SCAF4: variants seen among roughly 807,000 people sequenced by gnomAD.
SCAF4 encodes the protein SR-related and CTD-associated factor 4.
Under a neutral mutation model 129.8 loss-of-function variants are expected in SCAF4, and 25 were observed. The ratio of observed to expected loss-of-function variants is 0.19; its 90% CI spans 0.14 to 0.27. The LOEUF is 0.27. Among genes scored for constraint, SCAF4 ranks in the 10% least tolerant of loss-of-function variants. The pLI, the probability that SCAF4 is intolerant of heterozygous loss-of-function variation, is 1.00. For synonymous variants in SCAF4, 551 were observed against 497.7 expected, an observed-to-expected ratio of 1.11 and a Z score of -1.43; for missense variants, 1,246 against 1,457.1, an observed-to-expected ratio of 0.86 and a Z score of 2.36.
chr21:31,677,673 T>A (rs1407526479), intron 19 of SCAF4, among the ~76,000 whole-genome samples: 1 of 152,184 alleles, frequency 6.6e-6, no homozygotes, highest in Non-Finnish European at 1.5e-5. Flanking sequence ...GAAACTCTAC[T>A]TGGCTTTCAG....
intron 16 of SCAF4, among the ~76,000 whole-genome samples, chr21:31,687,246 TA>T (rs2050147563): frequency 6.6e-6 from 1 of 152,222 alleles, no homozygotes; most frequent in Admixed American, 6.5e-5. Flanking sequence ...CAAGTTCTTA[TA>T]ATTTTCAAAG....
intron 1 of SCAF4, 122 bp downstream of exon 1, chr21:31,731,541 C>T (rs2051359232): frequency 4.1e-6 from 5 of 1,213,980 alleles, no homozygotes; most frequent in Non-Finnish European, 5.7e-6. Context: ...GGCCCCGCCG[C>T]CCCGGAACCG....
rs1568815917 is a variant in SCAF4, at chr21:31,671,751, C to G, written c.3092G>C (p.Arg1031Thr). The G allele has an allele frequency of 3.1e-6, 5 of 1,614,222 alleles. No homozygotes were observed. The highest frequency in any genetic ancestry group is 4.2e-6 in the Non-Finnish European group (5 of 1,180,020). The change falls in exon 20 of 20, where the codon AGA (arginine) becomes ACA (threonine). Residue 1031 changes from arginine to threonine, a missense_variant. By Grantham distance (71) the Arg-to-Thr change is moderately conservative. Coordinates refer to ENST00000286835, the MANE Select transcript of SCAF4 (RefSeq NM_020706.2). ...DDRDNSNRDR[R>T]EWGRRSPDRD... is the part of the protein sequence containing the mutation. ...GTCAGGGCTCCTCCTTCCCCACTCT[C>G]TCCTGTCACGGTTACTATTATCTCT...
chr21:31,706,564 A>T (rs1236830336), intron 1 of SCAF4: 3 of 541,352 alleles, frequency 5.5e-6, no homozygotes, highest in African/African-American at 1.9e-5. Context: ...CCCAAGAAGA[A>T]GGTTAGCTCT....
chr21:31,714,727 T>C (rs1379288103), intron 1 of SCAF4, among the ~76,000 whole-genome samples: 1 of 152,244 alleles, frequency 6.6e-6, no homozygotes, highest in East Asian at 1.9e-4. Flanking sequence ...AGTCAACCTT[T>C]CTAAACTCCA....
Position 31,674,407 on chromosome 21 carries a change from C to T in SCAF4, c.2489-2053G>A, listed in dbSNP as rs1404656604. 3.9e-5 allele frequency among the ~76,000 whole-genome samples: 6 copies of T among 152,082 alleles called. No homozygotes were observed. In the East Asian group the frequency reaches 9.6e-4, roughly 24 times the overall value. On this transcript the variant is annotated intron_variant, in intron 19 of 19. Coordinates refer to ENST00000286835, the MANE Select transcript of SCAF4 (RefSeq NM_020706.2). ...ATACACTCAAATCCTTTCCCTTCTT[C>T]GTAAATAAAGCTAAAAAGATGTGGC...
In SCAF4 at chr21:31,688,580, T is replaced by C; in HGVS notation, c.1886-116A>G. On this transcript the variant is annotated intron_variant, in intron 15 of 19. Transcript: ENST00000286835. ...AGCCCAGTTATTAAAGAAATTCCCA[T>C]GCTAATTTTAGAAATAGTAATTATT... 4 of 806,294 alleles carry C rather than the reference T, an allele frequency of 5.0e-6. No individual in the cohort carries two copies. In the South Asian group the frequency reaches 5.3e-5, roughly 11 times the overall value. 49.9% of individuals were successfully genotyped at this position (806,294 alleles called of 1,614,324 possible). A position where few individuals can be genotyped will look rare whatever the true frequency, so the allele number is the denominator to read the frequency against.
rs2049731751 is a variant in SCAF4, at chr21:31,672,371, A to G, written c.2489-17T>C. 1 of 1,589,198 alleles carries G rather than the reference A, an allele frequency of 6.3e-7. No individual in the cohort carries two copies. The highest frequency in any genetic ancestry group is 1.3e-5 in the African/African-American group (1 of 74,426). ...CTTGAGTGCCTAAAAGACGACAAAA[A>G]TAAAAATGTAAACACCACCGAAGAT... On this transcript the variant is annotated splice_polypyrimidine_tract_variant and intron_variant, in intron 19 of 19. Coordinates refer to ENST00000286835, the MANE Select transcript of SCAF4 (RefSeq NM_020706.2).
chr21:31,707,603 T>C (rs892409480), intron 1 of SCAF4, among the ~76,000 whole-genome samples: 5 of 152,364 alleles, frequency 3.3e-5, no homozygotes, highest in East Asian at 1.9e-4. Context: ...CCAAAAGATA[T>C]TGTGAAGTAA....
chr21:31,724,066 A>T (rs1192077813), intron 1 of SCAF4, among the ~76,000 whole-genome samples: 2 of 152,216 alleles, frequency 1.3e-5, no homozygotes, highest in African/African-American at 4.8e-5. Context: ...TCTATGTCTT[A>T]AAAAGCACCA....
At chr21:31,696,877 C>G in intron 7 of SCAF4, 127 bp from the exon 8 acceptor site, 2 of 762,540 alleles carry the variant, frequency 2.6e-6, no homozygotes, top group South Asian at 4.1e-5. Context: ...TCTTATTTTC[C>G]CTTATGCCCC....
chr21:31,696,150 C>T lies in SCAF4; in HGVS notation c.1031G>A (p.Arg344Gln), dbSNP rs746332637. ...QHQNMDQFQP[R>Q]MMGIQQDPMH... ...TGGATCCTGTTGTATTCCCATCATT[C>T]GTGGCTGAAACTGATCCATATTTTG... The change falls in exon 9 of 20, where the codon CGA becomes CAA. Residue 344 changes from arginine to glutamine, a missense_variant. Arg to Gln is a conservative substitution (Grantham distance 43, BLOSUM62 1). Around this residue, in one of 6 missense-constraint regions of SCAF4, gnomAD observed 236 missense variants for 210.0 expected, o/e 1.12. Coordinates refer to ENST00000286835, the MANE Select transcript of SCAF4 (RefSeq NM_020706.2). 10 of 1,613,636 alleles carry T rather than the reference C, an allele frequency of 6.2e-6. No individual in the cohort carries two copies. Among genetic ancestry groups the T allele is most frequent in the East Asian group, 4.5e-5 (2 of 44,878 alleles).
Position 31,672,158 on chromosome 21 carries a change from C to T in SCAF4, c.2685G>A (p.Gly895=), listed in dbSNP as rs756579460. The change falls in exon 20 of 20, where the codon GGG becomes GGA. Residue 895 remains glycine (G), a synonymous_variant. Coordinates refer to ENST00000286835, the MANE Select transcript of SCAF4 (RefSeq NM_020706.2). ...MMHRGPPPGP[G]GFAMPPPHGM... is the part of the protein sequence containing the mutation. ...CATGAGGTGGAGGCATCGCAAAGCC[C>T]CCTGGTCCTGGCGGTGGGCCTCTGT... The T allele has an allele frequency of 3.1e-6, 5 of 1,605,238 alleles. No individual in the cohort carries two copies. The highest frequency in any genetic ancestry group is 1.1e-5 in the South Asian group (1 of 90,658).
intron 7 of SCAF4, among the ~76,000 whole-genome samples, 199 bp from the exon 8 acceptor site, chr21:31,696,949 A>G (rs1395879362): frequency 2.0e-5 from 3 of 152,148 alleles, no homozygotes; most frequent in Non-Finnish European, 4.4e-5. Context: ...GAAAACACAC[A>G]GTGTTTTCAT....
chr21:31,702,268 C>T lies in SCAF4; in HGVS notation c.433G>A (p.Ala145Thr). ...AAGTSNAAPV[A>T]ENVTNNEGSP... is the part of the protein sequence containing the mutation. ...CCTTCATTATTGGTAACATTTTCTG[C>T]TACTGGGGCTGCATTACTGGTTCCC... Residue 145 changes from alanine to threonine, a missense_variant, in exon 5 of 20, where the codon GCA (alanine) becomes ACA (threonine). This residue lies in a region of SCAF4 where 143 missense variants were observed against 161.0 expected (regional missense o/e 0.89). Transcript: ENST00000286835. The T allele has an allele frequency of 6.2e-7, 1 of 1,614,060 alleles. No individual in the cohort carries two copies. Among genetic ancestry groups the T allele is most frequent in the Non-Finnish European group, 8.5e-7 (1 of 1,179,992 alleles).
At chr21:31,702,848 C>G (rs1324751862) in intron 4 of SCAF4, among the ~76,000 whole-genome samples, 2 of 152,150 alleles carry the variant, frequency 1.3e-5, no homozygotes, top group African/African-American at 4.8e-5. Flanking sequence ...TTTATCTTTA[C>G]TCAAGGAATC....
chr21:31,713,244 A>C (rs2050847816), intron 1 of SCAF4, among the ~76,000 whole-genome samples: 1 of 152,202 alleles, frequency 6.6e-6, no homozygotes, highest in African/African-American at 2.4e-5. Flanking sequence ...ATTTTGATTG[A>C]TTTTCCACAA....
chr21:31,726,316 A>G (rs1396369632), intron 1 of SCAF4, among the ~76,000 whole-genome samples: 1 of 152,146 alleles, frequency 6.6e-6, no homozygotes, highest in African/African-American at 2.4e-5. Flanking sequence ...AAGTGCTGGG[A>G]TTACAGGTGT....
At chr21:31,702,116 A>G in intron 5 of SCAF4, 128 bp downstream of exon 5, 4 of 1,374,458 alleles carry the variant, frequency 2.9e-6, no homozygotes, top group Non-Finnish European at 2.0e-6. Context: ...AAAGAAAATC[A>G]TACCTTCCAA....
Sources: gnomAD v4.1 joint callset for allele counts (sites outside exome capture counted in the v4.1 genomes callset) on GRCh38, gnomAD v4.1.1 for gene constraint, gnomAD v4.1.1 regional missense constraint, MANE v1.5 for transcripts, NCBI Gene and HGNC (gene_info 2026-07-23, HGNC 2026-07-21) for gene names.